Variants in IFT46 observed in about 807,000 individuals in gnomAD.
The protein encoded by IFT46 is intraflagellar transport protein 46 homolog.
Under a neutral mutation model 39.6 loss-of-function variants are expected in IFT46, and 19 were observed. The ratio of observed to expected loss-of-function variants is 0.48; its 90% confidence interval spans 0.33 to 0.70. The LOEUF is 0.70. IFT46 is among the 30% of genes least tolerant of loss of function. The pLI is 0.01. For synonymous variants in IFT46, 117 were observed against 134.8 expected, an observed-to-expected ratio of 0.87 and a Z score of 0.91; for missense variants, 334 against 364.8, an observed-to-expected ratio of 0.92 and a Z score of 0.69.
At chr11:118,574,960 A>G (rs1324856012), upstream of IFT46, among the ~76,000 whole-genome samples, 1 of 151,752 alleles carries the variant, frequency 6.6e-6, no homozygotes, top group Non-Finnish European at 1.5e-5. Flanking sequence ...AATTAATGAG[A>G]ACATGTTCTG....
intron 7 of IFT46, among the ~76,000 whole-genome samples, chr11:118,554,215 T>TA (rs1258617323): frequency 1.3e-5 from 2 of 151,972 alleles, no homozygotes; most frequent in African/African-American, 2.4e-5. Context: ...TACACCCTGC[T>TA]AATTTTTTTT....
intron 2 of IFT46, among the ~76,000 whole-genome samples, chr11:118,564,120 C>T (rs60753148): frequency 0.16 from 21,262 of 136,962 alleles, 2,031 homozygotes; most frequent in East Asian, 0.52. Flanking sequence ...ACCCAGGAGG[C>T]GGAGATTGCA....
At chr11:118,568,727 C>T (rs995341762), upstream of IFT46, among the ~76,000 whole-genome samples, 3 of 150,556 alleles carry the variant, frequency 2.0e-5, no homozygotes, top group Non-Finnish European at 3.0e-5. Flanking sequence ...AATACAGTGA[C>T]GAGACCTCAG....
upstream of IFT46, chr11:118,573,525 C>CA (rs1938407046): frequency 1.9e-6 from 1 of 539,240 alleles, no homozygotes; most frequent in South Asian, 2.3e-5. Context: ...TCTTTGGTTT[C>CA]AAAAAAGCTA....
At chr11:118,562,915 A>C (rs1263396853) in intron 2 of IFT46, among the ~76,000 whole-genome samples, 4 of 152,188 alleles carry the variant, frequency 2.6e-5, no homozygotes, top group African/African-American at 9.7e-5. Flanking sequence ...AATACAAAAA[A>C]TTAGCTGGGT....
chr11:118,563,912 G>A (rs527512981), intron 2 of IFT46, among the ~76,000 whole-genome samples: 2 of 152,102 alleles, frequency 1.3e-5, no homozygotes, highest in South Asian at 4.1e-4. Context: ...TATCAAAAGT[G>A]GGTTTCTGGC....
At chr11:118,553,428 TA>T (rs1252097587) in intron 7 of IFT46, among the ~76,000 whole-genome samples, 14 of 133,680 alleles carry the variant, frequency 1.0e-4, no homozygotes, top group African/African-American at 3.1e-4. Flanking sequence ...GCAACAAGAG[TA>T]AAACTGTCTC....
chr11:118,563,837 A>G (rs1197827765), intron 2 of IFT46, among the ~76,000 whole-genome samples: 1 of 151,896 alleles, frequency 6.6e-6, no homozygotes, highest in East Asian at 1.9e-4. Context: ...ACTTTTCCTC[A>G]GTGTCTGGAT....
chr11:118,561,019 T>C (rs1246553504), intron 2 of IFT46: 4 of 1,496,492 alleles, frequency 2.7e-6, no homozygotes, highest in Non-Finnish European at 3.7e-6. Context: ...GGCTTCCCAA[T>C]AGGTTTGGCA....
intron 9 of IFT46, 86 bp downstream of exon 9, chr11:118,551,700 A>C: frequency 1.0e-6 from 1 of 998,384 alleles, no homozygotes; most frequent in South Asian, 1.4e-5. Context: ...AGTTACCAAT[A>C]ATAATAATGG....
chr11:118,547,739 CTTTTCT>C (rs1476609941), intron 9 of IFT46, among the ~76,000 whole-genome samples: 4 of 120,780 alleles, frequency 3.3e-5, no homozygotes, highest in African/African-American at 1.2e-4. Context: ...CTTTTCTTTT[CTTTTCT>C]TTTTTTTTTT....
chr11:118,566,669 G>A (rs1412849599), upstream of IFT46, among the ~76,000 whole-genome samples: 1 of 152,188 alleles, frequency 6.6e-6, no homozygotes, highest in African/African-American at 2.4e-5. Flanking sequence ...CTCCAGCCTG[G>A]GCAACAAAGC....
At position 118,556,613 on chromosome 11, in the gene IFT46, G is replaced by A. The variant is rs138270663; in HGVS notation, c.185+293C>T. 4.5e-3 allele frequency among the ~76,000 whole-genome samples: 692 copies of A among 152,240 alleles called. 12 individuals are homozygous for A. The highest frequency in any genetic ancestry group is 0.035 in the East Asian group (184 of 5,186). On this transcript the variant is annotated intron_variant, in intron 4 of 11. Transcript: ENST00000264021. ...CCCAAAATGCTAGGATTACAGGCTT[G>A]AGCCACCATGCCTGGCCACCACCTT...
chr11:118,565,973 C>A (rs1938215178), upstream of IFT46: 2 of 152,186 alleles, frequency 1.3e-5, no homozygotes, highest in African/African-American at 4.8e-5. Context: ...TCTCGTGAGA[C>A]CTCCTGCGCG....
At chr11:118,568,087 T>C (rs1191369241), upstream of IFT46, among the ~76,000 whole-genome samples, 1 of 152,204 alleles carries the variant, frequency 6.6e-6, no homozygotes, top group Non-Finnish European at 1.5e-5. Flanking sequence ...GCTACCGTTA[T>C]ATTTCCGAAG....
At chr11:118,559,173 A>G (rs1937946340) in intron 3 of IFT46, among the ~76,000 whole-genome samples, 1 of 151,878 alleles carries the variant, frequency 6.6e-6, no homozygotes, top group Non-Finnish European at 1.5e-5. Flanking sequence ...CGGCCAACAT[A>G]AACGGTTTTT....
intron 1 of IFT46, chr11:118,572,359 C>CCCCCCCTT: frequency 6.3e-6 from 1 of 157,806 alleles, no homozygotes; most frequent in South Asian, 2.0e-4. Flanking sequence ...CCCCCCCCCC[C>CCCCCCCTT]GCCCTTTGAC....
At chr11:118,565,641 A>C (rs1555071351) in intron 1 of IFT46, 149 bp downstream of exon 1, 1 of 152,700 alleles carries the variant, frequency 6.5e-6, no homozygotes, top group Non-Finnish European at 1.5e-5. Flanking sequence ...TCTTGGGGGA[A>C]TAAAGGAAGC....
Position 118,562,020 on chromosome 11 carries a change from A to T in IFT46, c.-35-2156T>A, listed in dbSNP as rs369564677. On this transcript the variant is annotated intron_variant, in intron 2 of 11. Transcript: ENST00000264021. ...CCGGGCACAGTGGCTCCTGCCTGTAATCCCAGCACTTTGGGAGGCTGAGGC... is the reference window on the plus strand; with the variant it reads ...CCGGGCACAGTGGCTCCTGCCTGTATTCCCAGCACTTTGGGAGGCTGAGGC... 2.4e-3 allele frequency among the ~76,000 whole-genome samples: 372 copies of T among 152,246 alleles called. 1 individual carries two copies. Among genetic ancestry groups the T allele is most frequent in the African/African-American group, 7.2e-3 (300 of 41,550 alleles).
Sources: allele counts gnomAD v4.1 joint callset (sites outside exome capture counted in the v4.1 genomes callset), GRCh38; gene constraint gnomAD v4.1.1; transcripts MANE v1.5; gene names NCBI Gene and HGNC (gene_info 2026-07-23, HGNC 2026-07-21).